Variants in PLD5 observed in about 807,000 individuals in gnomAD.
The protein encoded by PLD5 is phospholipase D family member 5.
A neutral mutation model predicts 61.1 loss-of-function variants in PLD5; 36 were observed. The observed-to-expected ratio is 0.59, with a 90% CI of 0.45 to 0.78. The LOEUF (loss-of-function observed/expected upper bound fraction) is 0.78. PLD5 is among the 30% of genes least tolerant of loss of function. The pLI, the probability that PLD5 is intolerant of heterozygous loss-of-function variation, is 0.00. For synonymous variants in PLD5, 243 were observed against 242.8 expected, an observed-to-expected ratio of 1.00 and a Z score of -0.01; for missense variants, 515 against 644.4, an observed-to-expected ratio of 0.80 and a Z score of 2.17.
intron 5 of PLD5, among the ~76,000 whole-genome samples, chr1:242,134,592 G>T (rs180996135): frequency 1.3e-5 from 2 of 152,262 alleles, no homozygotes; most frequent in Non-Finnish European, 2.9e-5. Flanking sequence ...GAGAAACGCT[G>T]TAAAAATGTT....
chr1:242,350,434 TACACACAC>T (rs57955584), intron 1 of PLD5, among the ~76,000 whole-genome samples: 10,985 of 145,320 alleles, frequency 0.076, 442 homozygotes, highest in Admixed American at 0.092. Context: ...TATACACACG[TACACACAC>T]ACACACACAC....
chr1:242,511,031 G>A (rs1184973733), intron 1 of PLD5, among the ~76,000 whole-genome samples: 1 of 152,204 alleles, frequency 6.6e-6, no homozygotes, highest in Non-Finnish European at 1.5e-5. Flanking sequence ...AAGATGTTAG[G>A]AAGGGGCAGA....
intron 4 of PLD5, among the ~76,000 whole-genome samples, chr1:242,225,685 G>A (rs1438530222): frequency 1.3e-5 from 2 of 151,402 alleles, no homozygotes; most frequent in African/African-American, 4.8e-5. Flanking sequence ...AGACACATTC[G>A]TGCTGTAGTG....
chr1:242,248,428 C>A (rs1286106155), intron 4 of PLD5, among the ~76,000 whole-genome samples: 1 of 151,482 alleles, frequency 6.6e-6, no homozygotes, highest in Non-Finnish European at 1.5e-5. Context: ...ACATGTATCC[C>A]AGAATTTAAA....
intron 7 of PLD5, among the ~76,000 whole-genome samples, chr1:242,112,999 A>G (rs1164699547): frequency 2.0e-5 from 3 of 152,062 alleles, no homozygotes; most frequent in African/African-American, 7.2e-5. Flanking sequence ...ATTGAAAAGC[A>G]CTGCATTTTT....
intron 1 of PLD5, among the ~76,000 whole-genome samples, chr1:242,410,689 C>T (rs1274227369): frequency 5.9e-5 from 9 of 152,038 alleles, no homozygotes; most frequent in South Asian, 2.1e-4. Context: ...AGGTATTTTG[C>T]GTTCCATTAT....
intron 5 of PLD5, among the ~76,000 whole-genome samples, chr1:242,192,774 C>G (rs1668367075): frequency 6.6e-6 from 1 of 151,634 alleles, no homozygotes; most frequent in Admixed American, 6.6e-5. Context: ...GGGATGCAGA[C>G]CACACAATTG....
intron 5 of PLD5, among the ~76,000 whole-genome samples, chr1:242,200,161 C>T (rs569941681): frequency 2.0e-5 from 3 of 152,260 alleles, no homozygotes; most frequent in African/African-American, 4.8e-5. Flanking sequence ...TGCTGAAGGC[C>T]GGGGGCCTCT....
intron 1 of PLD5, among the ~76,000 whole-genome samples, chr1:242,490,168 T>C (rs1668098834): frequency 6.6e-6 from 1 of 152,176 alleles, no homozygotes; most frequent in Non-Finnish European, 1.5e-5. Flanking sequence ...TAATAACCCT[T>C]AGTGAGAACC....
chr1:242,213,191 C>T (rs1669937625), intron 5 of PLD5, among the ~76,000 whole-genome samples: 1 of 152,090 alleles, frequency 6.6e-6, no homozygotes, highest in Admixed American at 6.6e-5. Context: ...CCTAGCAGAA[C>T]AGGACAGAAA....
chr1:242,176,415 T>C (rs1427766787), intron 5 of PLD5, among the ~76,000 whole-genome samples: 1 of 152,124 alleles, frequency 6.6e-6, no homozygotes, highest in African/African-American at 2.4e-5. Flanking sequence ...CCCTTCCTTA[T>C]AGTTTATACA....
chr1:242,427,528 A>T (rs1448249819), intron 1 of PLD5, among the ~76,000 whole-genome samples: 2 of 152,248 alleles, frequency 1.3e-5, no homozygotes, highest in Non-Finnish European at 2.9e-5. Flanking sequence ...ATGGTGGCAG[A>T]TGGGAACGTG....
At chr1:242,388,635 C>A (rs986012769) in intron 1 of PLD5, among the ~76,000 whole-genome samples, 5 of 152,086 alleles carry the variant, frequency 3.3e-5, no homozygotes, top group African/African-American at 1.2e-4. Context: ...GCTAATAATA[C>A]AACCTAAGAT....
At chr1:242,386,912 A>C (rs540030303) in intron 1 of PLD5, among the ~76,000 whole-genome samples, 1 of 152,254 alleles carries the variant, frequency 6.6e-6, no homozygotes, top group South Asian at 2.1e-4. Context: ...AATATTTTCA[A>C]ATGGGTTTTG....
chr1:242,227,260 G>A (rs942934565), intron 4 of PLD5, among the ~76,000 whole-genome samples: 12 of 151,986 alleles, frequency 7.9e-5, no homozygotes, highest in Admixed American at 6.6e-5. Flanking sequence ...ATATTGCTCA[G>A]GCTGGCCTTG....
intron 5 of PLD5, among the ~76,000 whole-genome samples, chr1:242,214,721 A>G (rs1036042132): frequency 6.6e-6 from 1 of 152,184 alleles, no homozygotes; most frequent in African/African-American, 2.4e-5. Context: ...TTAACCCTAG[A>G]GGATTAGAAC....
chr1:242,482,116 A>G (rs1427686014), intron 1 of PLD5, among the ~76,000 whole-genome samples: 3 of 152,238 alleles, frequency 2.0e-5, no homozygotes, highest in Non-Finnish European at 4.4e-5. Context: ...GGAAAAACAG[A>G]GCAGAAAAAC....
At chr1:242,179,747 A>G (rs184061592) in intron 5 of PLD5, among the ~76,000 whole-genome samples, 1,747 of 152,288 alleles carry the variant, frequency 0.011, 18 homozygotes, top group Non-Finnish European at 0.02. Flanking sequence ...TACTAAAAAT[A>G]CAAAAATTAG....
chr1:242,373,393 G>A (rs1008792342), intron 1 of PLD5, among the ~76,000 whole-genome samples: 33 of 152,162 alleles, frequency 2.2e-4, no homozygotes, highest in Admixed American at 4.6e-4. Flanking sequence ...ACAGTGTGGC[G>A]ATTCCTCAAG....
Sources: allele counts gnomAD v4.1 joint callset (sites outside exome capture counted in the v4.1 genomes callset), GRCh38; gene constraint gnomAD v4.1.1; transcripts MANE v1.5; gene names NCBI Gene and HGNC (gene_info 2026-07-23, HGNC 2026-07-21).